Variants in NFX1 observed in about 807,000 individuals in gnomAD.
The protein encoded by NFX1 is nuclear transcription factor, X-box binding 1, also known as transcriptional repressor NF-X1.
In NFX1, 69 loss-of-function variants were observed where a neutral mutation model predicts 137.2. The ratio of observed to expected loss-of-function variants is 0.50; its 90% confidence interval spans 0.41 to 0.61. The LOEUF (loss-of-function observed/expected upper bound fraction) is 0.61. NFX1 is among the 20% of genes least tolerant of loss of function. The pLI, the probability that NFX1 is intolerant of heterozygous loss-of-function variation, is 0.00. For synonymous variants in NFX1, 495 were observed against 474.1 expected (o/e 1.04, Z -0.57); for missense variants, 1,167 against 1,391.0 (o/e 0.84, Z 2.56).
intron 23 of NFX1, among the ~76,000 whole-genome samples, chr9:33,368,084 A>G (rs1485035399): frequency 6.6e-6 from 1 of 152,130 alleles, no homozygotes; most frequent in Non-Finnish European, 1.5e-5. Flanking sequence ...AAATATAAAA[A>G]AGTAGCCGGG....
At chr9:33,369,871 A>C (rs754204936) in intron 23 of NFX1, 35 bp from the exon 24 acceptor site, 1 of 1,527,470 alleles carries the variant, frequency 6.5e-7, no homozygotes, top group Admixed American at 1.7e-5. Context: ...TCCCCCAAAG[A>C]AGAAAAGACT....
chr9:33,291,098 T>C (rs1318453800), intron 1 of NFX1, among the ~76,000 whole-genome samples: 2 of 152,104 alleles, frequency 1.3e-5, no homozygotes, highest in Non-Finnish European at 1.5e-5. Flanking sequence ...ATAAGTTAAT[T>C]CCTGTGATGG....
At chr9:33,317,643 A>G (rs1423002962) in intron 7 of NFX1, among the ~76,000 whole-genome samples, 1 of 151,632 alleles carries the variant, frequency 6.6e-6, no homozygotes, top group African/African-American at 2.4e-5. Flanking sequence ...CAGCTGGGCA[A>G]CAAAGTGAGA....
chr9:33,318,986 C>A lies in NFX1; in HGVS notation c.1765C>A (p.Gln589Lys), dbSNP rs763036764. The change falls in exon 9 of 24, where the codon CAG becomes AAG. Residue 589 changes from glutamine to lysine, a missense_variant. This residue lies in a region of NFX1 where 488 missense variants were observed against 691.5 expected (regional missense o/e 0.71). Transcript: ENST00000379540. ...CTGCCAGCAATGCCCACGGCTCCCC[C>A]AGCTGGTGCGCTGTTGCCCCTGTGG... Reference protein sequence around the residue: ...QPCQQCPRLPQLVRCCPCGQT... With the variant: ...QPCQQCPRLPKLVRCCPCGQT... 1.9e-6 allele frequency: 3 copies of A among 1,614,232 alleles called. No individual in the cohort carries two copies. Among genetic ancestry groups the A allele is most frequent in the Non-Finnish European group, 1.7e-6 (2 of 1,180,034 alleles).
intron 16 of NFX1, 151 bp downstream of exon 16, chr9:33,351,941 A>T (rs1823652713): frequency 1.4e-6 from 1 of 719,530 alleles, no homozygotes; most frequent in Non-Finnish European, 2.1e-6. Flanking sequence ...AGAGTAAGTC[A>T]TACAAGTTTC....
intron 15 of NFX1, among the ~76,000 whole-genome samples, chr9:33,350,321 AG>A (rs1823591343): frequency 6.6e-6 from 1 of 150,956 alleles, no homozygotes; most frequent in Non-Finnish European, 1.5e-5. Context: ...AAAAAAAAAA[AG>A]GCAAAATAAA....
At chr9:33,303,331 AGGT>A in intron 4 of NFX1, 63 bp downstream of exon 4, 3 of 1,419,034 alleles carry the variant, frequency 2.1e-6, no homozygotes, top group Non-Finnish European at 3.0e-6. Flanking sequence ...AGTTCAGGAA[AGGT>A]GGTCTGCGGG....
At chr9:33,348,367 T>A (rs1346540438) in intron 15 of NFX1, 2 of 151,750 alleles carry the variant, frequency 1.3e-5, no homozygotes, top group African/African-American at 4.8e-5. Flanking sequence ...AAAAAATAAA[T>A]TTTAAAAACT....
In NFX1 at chr9:33,350,058, C is replaced by T. The variant is rs556371683; in HGVS notation, c.2425-1502C>T. Among the ~76,000 whole-genome samples, 6 of 152,228 alleles carry T rather than the reference C, an allele frequency of 3.9e-5. No homozygotes were observed. In the South Asian group the frequency reaches 1.2e-3, roughly 32 times the overall value. ...GTTTCTCATGCCTGTAATCCCAACA[C>T]TTTGATAGGCTGAGGCAAGTGGATC... is the stretch of plus-strand genomic sequence containing the variant. On this transcript the variant is annotated intron_variant, in intron 15 of 23. Coordinates refer to ENST00000379540, the MANE Select transcript of NFX1 (RefSeq NM_002504.6).
intron 11 of NFX1, among the ~76,000 whole-genome samples, chr9:33,336,487 T>C (rs1823009240): frequency 1.3e-5 from 2 of 152,202 alleles, no homozygotes; most frequent in Non-Finnish European, 2.9e-5. Flanking sequence ...GTGCTGGGAT[T>C]ACAGGCGTGA....
At chr9:33,343,674 T>C (rs1245932877) in intron 13 of NFX1, among the ~76,000 whole-genome samples, 1 of 152,238 alleles carries the variant, frequency 6.6e-6, no homozygotes, top group Non-Finnish European at 1.5e-5. Flanking sequence ...TTTTTACCCG[T>C]GCATGATTTT....
At chr9:33,319,559 G>T (rs766956595) in intron 9 of NFX1, among the ~76,000 whole-genome samples, 2 of 152,138 alleles carry the variant, frequency 1.3e-5, no homozygotes, top group African/African-American at 4.8e-5. Flanking sequence ...GCCCCAGCTC[G>T]AGTGCAGTGG....
chr9:33,293,974 A>G (rs1056252638), intron 1 of NFX1, among the ~76,000 whole-genome samples: 17 of 152,264 alleles, frequency 1.1e-4, no homozygotes, highest in African/African-American at 4.1e-4. Context: ...AGTTCATACA[A>G]TAAGTTGGAC....
At chr9:33,327,025 C>T (rs2118454727) in intron 9 of NFX1, among the ~76,000 whole-genome samples, 1 of 151,936 alleles carries the variant, frequency 6.6e-6, no homozygotes, top group Admixed American at 6.6e-5. Flanking sequence ...GGGAATTACA[C>T]TATAAAAAAT....
At chr9:33,352,578 G>C in intron 16 of NFX1, 68 bp from the exon 17 acceptor site, 3 of 1,321,858 alleles carry the variant, frequency 2.3e-6, no homozygotes, top group Non-Finnish European at 3.3e-6. Flanking sequence ...GAGGATTTAA[G>C]AGTGAAAAGT....
chr9:33,328,339 G>T (rs570541419), intron 9 of NFX1, among the ~76,000 whole-genome samples: 8 of 151,986 alleles, frequency 5.3e-5, no homozygotes, highest in African/African-American at 1.9e-4. Flanking sequence ...TTTGACTTAG[G>T]CAAATCGTCG....
At chr9:33,293,088 T>C (rs1821220999) in intron 1 of NFX1, among the ~76,000 whole-genome samples, 1 of 152,190 alleles carries the variant, frequency 6.6e-6, no homozygotes, top group South Asian at 2.1e-4. Context: ...TTTCACTGTA[T>C]GTTTCTATGG....
chr9:33,323,709 C>T (rs1442849924), intron 9 of NFX1, among the ~76,000 whole-genome samples: 2 of 151,080 alleles, frequency 1.3e-5, no homozygotes, highest in African/African-American at 2.4e-5. Context: ...GCCGCGATTG[C>T]GCCACTGCAC....
intron 2 of NFX1, among the ~76,000 whole-genome samples, chr9:33,300,012 C>T (rs189972059): frequency 1.3e-5 from 2 of 148,754 alleles, no homozygotes; most frequent in African/African-American, 5.0e-5. Flanking sequence ...GATAAATGAT[C>T]TAACTACATG....
Sources: allele counts gnomAD v4.1 joint callset (sites outside exome capture counted in the v4.1 genomes callset), GRCh38; gene constraint gnomAD v4.1.1; regional missense constraint gnomAD v4.1.1; transcripts MANE v1.5; gene names NCBI Gene and HGNC (gene_info 2026-07-23, HGNC 2026-07-21).